The following LRRC4C variants were observed in gnomAD, a reference collection of about 807,000 sequenced individuals.
LRRC4C encodes the protein leucine rich repeat containing 4C, also known as leucine-rich repeat-containing protein 4C.
A neutral mutation model predicts 33.6 loss-of-function variants in LRRC4C; 5 were observed. That is an observed-to-expected ratio of 0.15 (90% CI 0.08 to 0.31). The LOEUF is 0.31. LRRC4C is among the 10% of genes least tolerant of loss of function. The pLI, the probability that LRRC4C is intolerant of heterozygous loss-of-function variation, is 1.00. For missense variants in LRRC4C, 560 were observed against 796.7 expected (o/e 0.70, Z 3.58); for synonymous variants, 329 against 302.0 (o/e 1.09, Z -0.93).
At chr11:40,284,105 G>T (rs1441739952) in intron 4 of LRRC4C, among the ~76,000 whole-genome samples, 1 of 152,182 alleles carries the variant, frequency 6.6e-6, no homozygotes, top group African/African-American at 2.4e-5. Flanking sequence ...AAATGTTTGT[G>T]TACAGAGGAC....
chr11:40,191,210 G>A (rs1861815439), intron 5 of LRRC4C, among the ~76,000 whole-genome samples: 1 of 152,092 alleles, frequency 6.6e-6, no homozygotes, highest in South Asian at 2.1e-4. Context: ...CCAGCTGCTT[G>A]ACCACCTCTC....
chr11:40,139,038 T>C (rs977294442), intron 6 of LRRC4C, among the ~76,000 whole-genome samples: 1 of 152,202 alleles, frequency 6.6e-6, no homozygotes, highest in African/African-American at 2.4e-5. Context: ...TAGAGCCCAT[T>C]TGAGTATTAT....
chr11:40,689,203 A>G (rs533755862), intron 2 of LRRC4C, among the ~76,000 whole-genome samples: 22 of 152,172 alleles, frequency 1.4e-4, no homozygotes, highest in African/African-American at 5.1e-4. Context: ...TCTTGTTTAA[A>G]TCTCATACTA....
intron 1 of LRRC4C, among the ~76,000 whole-genome samples, chr11:40,957,025 T>A (rs984254626): frequency 6.6e-6 from 1 of 151,756 alleles, no homozygotes; most frequent in African/African-American, 2.4e-5. Flanking sequence ...TCTGAGCACA[T>A]CCAGAATGAC....
At chr11:41,140,030 C>A (rs969208044) in intron 1 of LRRC4C, among the ~76,000 whole-genome samples, 1 of 152,200 alleles carries the variant, frequency 6.6e-6, no homozygotes, top group East Asian at 1.9e-4. Context: ...TGAAAATAGT[C>A]CCGGTTTCAA....
intron 3 of LRRC4C, among the ~76,000 whole-genome samples, chr11:40,459,004 C>T (rs958094336): frequency 6.6e-6 from 1 of 152,070 alleles, no homozygotes; most frequent in African/African-American, 2.4e-5. Context: ...CACATACATG[C>T]ATATACAGAG....
At chr11:40,187,023 G>A (rs1259869735) in intron 5 of LRRC4C, among the ~76,000 whole-genome samples, 1 of 152,176 alleles carries the variant, frequency 6.6e-6, no homozygotes, top group Non-Finnish European at 1.5e-5. Context: ...GCCATAGCAG[G>A]CCTCTGCCAA....
intron 4 of LRRC4C, among the ~76,000 whole-genome samples, chr11:40,318,362 C>G (rs1454568973): frequency 2.6e-5 from 4 of 151,838 alleles, no homozygotes; most frequent in African/African-American, 4.8e-5. Flanking sequence ...TCAAAATAAA[C>G]CAAACATTTT....
intron 3 of LRRC4C, among the ~76,000 whole-genome samples, chr11:40,489,507 A>G (rs1427900074): frequency 6.6e-6 from 1 of 152,110 alleles, no homozygotes; most frequent in East Asian, 1.9e-4. Flanking sequence ...ATACCCTGCC[A>G]GGTTGTCATT....
intron 2 of LRRC4C, among the ~76,000 whole-genome samples, chr11:40,735,746 A>G (rs528937084): frequency 7.6e-4 from 114 of 149,606 alleles, no homozygotes; most frequent in African/African-American, 2.7e-3. Context: ...TGACTTCCAC[A>G]ATGGTTGAAC....
chr11:41,336,877 A>G (rs752319880), intron 1 of LRRC4C, among the ~76,000 whole-genome samples: 4 of 152,126 alleles, frequency 2.6e-5, no homozygotes, highest in Admixed American at 6.6e-5. Context: ...ATCTCATTTA[A>G]TCCTTAAAAT....
intron 3 of LRRC4C, among the ~76,000 whole-genome samples, chr11:40,608,117 A>G (rs1308776067): frequency 6.6e-6 from 1 of 152,000 alleles, no homozygotes; most frequent in African/African-American, 2.4e-5. Context: ...TAATACTGCA[A>G]TGAAGGTGTA....
intron 2 of LRRC4C, among the ~76,000 whole-genome samples, chr11:40,689,087 C>T (rs1038466351): frequency 2.6e-5 from 4 of 151,724 alleles, no homozygotes; most frequent in East Asian, 3.9e-4. Context: ...AGATAAGAAA[C>T]GACAGTGCTA....
At chr11:40,663,078 T>TTTAC (rs1240317373) in intron 2 of LRRC4C, among the ~76,000 whole-genome samples, 1 of 152,194 alleles carries the variant, frequency 6.6e-6, no homozygotes, top group Non-Finnish European at 1.5e-5. Context: ...GATAGATTTA[T>TTTAC]TTATTTATTT....
At chr11:41,377,159 AT>A (rs1014212842) in intron 1 of LRRC4C, among the ~76,000 whole-genome samples, 1 of 152,154 alleles carries the variant, frequency 6.6e-6, no homozygotes, top group African/African-American at 2.4e-5. Flanking sequence ...ATGTGAAATT[AT>A]TTTTATCTTC....
intron 2 of LRRC4C, among the ~76,000 whole-genome samples, chr11:40,928,725 T>C (rs1565212326): frequency 6.6e-6 from 1 of 152,170 alleles, no homozygotes; most frequent in Non-Finnish European, 1.5e-5. Context: ...TAAAACTATG[T>C]AGAAATTTGG....
intron 6 of LRRC4C, among the ~76,000 whole-genome samples, chr11:40,128,725 T>G (rs1378043900): frequency 6.6e-6 from 1 of 152,104 alleles, no homozygotes; most frequent in Non-Finnish European, 1.5e-5. Context: ...TCTCAAAAGA[T>G]TCAGCCTTGT....
intron 4 of LRRC4C, among the ~76,000 whole-genome samples, chr11:40,303,768 G>A (rs1397423511): frequency 6.6e-6 from 1 of 152,172 alleles, no homozygotes; most frequent in Non-Finnish European, 1.5e-5. Context: ...GACATAAAAA[G>A]TGTTAAACTC....
chr11:40,316,532 A>G (rs769815491), intron 4 of LRRC4C, among the ~76,000 whole-genome samples: 2 of 151,990 alleles, frequency 1.3e-5, no homozygotes, highest in Non-Finnish European at 2.9e-5. Context: ...TTCAGATAGG[A>G]CAAAAAATCT....
Sources: gnomAD v4.1 joint callset for allele counts (sites outside exome capture counted in the v4.1 genomes callset) on GRCh38, gnomAD v4.1.1 for gene constraint, MANE v1.5 for transcripts, NCBI Gene and HGNC (gene_info 2026-07-23, HGNC 2026-07-21) for gene names.